The following EFCAB6 variants were observed in gnomAD, a reference collection of about 807,000 sequenced individuals.
EFCAB6 encodes EF-hand calcium-binding domain-containing protein 6.
EFCAB6 carries 156 observed loss-of-function variants against 169.8 expected under a neutral mutation model. The observed-to-expected ratio is 0.92, with a 90% CI of 0.81 to 1.05. The LOEUF is 1.05. Among genes scored for constraint, EFCAB6 ranks in the 50% least tolerant of loss-of-function variants. The pLI is 0.00. For synonymous variants in EFCAB6, 698 were observed against 676.4 expected (o/e 1.03, Z -0.50); for missense variants, 1,800 against 1,829.1 (o/e 0.98, Z 0.29).
intron 26 of EFCAB6, among the ~76,000 whole-genome samples, chr22:43,559,349 A>G (rs1274457808): frequency 2.6e-5 from 4 of 152,232 alleles, no homozygotes; most frequent in Admixed American, 2.6e-4. Context: ...GATTATTAAG[A>G]AGTCAGGAAA....
chr22:43,666,964 AAT>A, intron 17 of EFCAB6, 138 bp downstream of exon 17: 1 of 1,167,226 alleles, frequency 8.6e-7, no homozygotes, highest in Non-Finnish European at 1.2e-6. Context: ...CAAAAAAAAA[AAT>A]CCTTTTAAAT....
intron 8 of EFCAB6, among the ~76,000 whole-genome samples, chr22:43,724,367 CTTTT>C (rs58226287): frequency 9.3e-6 from 1 of 107,874 alleles, no homozygotes; most frequent in Non-Finnish European, 1.9e-5. Context: ...TTTCTTTTTT[CTTTT>C]TTTTTTTTTT....
chr22:43,742,163 C>T (rs2060397684), intron 6 of EFCAB6, among the ~76,000 whole-genome samples: 1 of 152,002 alleles, frequency 6.6e-6, no homozygotes. Flanking sequence ...CACCTGATTT[C>T]GTACACCTGC....
At chr22:43,772,796 A>G (rs2061516022) in intron 4 of EFCAB6, 96 bp downstream of exon 4, 1 of 1,358,604 alleles carries the variant, frequency 7.4e-7, no homozygotes, top group South Asian at 1.3e-5. Flanking sequence ...CTCAGTGGCA[A>G]CAGTGGGGAC....
chr22:43,801,914 A>G (rs1260470143), intron 2 of EFCAB6, among the ~76,000 whole-genome samples: 2 of 152,212 alleles, frequency 1.3e-5, no homozygotes, highest in East Asian at 1.9e-4. Context: ...ATTAAAAAGC[A>G]TAGAGTGGCT....
At chr22:43,533,645 G>A (rs566814777) in intron 30 of EFCAB6, 1 of 152,352 alleles carries the variant, frequency 6.6e-6, no homozygotes, top group African/African-American at 2.4e-5. Flanking sequence ...TTGCCTCCCA[G>A]GTGCGAGCCC....
intron 8 of EFCAB6, among the ~76,000 whole-genome samples, chr22:43,717,380 A>G (rs961797000): frequency 1.3e-5 from 2 of 151,728 alleles, no homozygotes; most frequent in Admixed American, 1.3e-4. Flanking sequence ...TGGTAAAAAA[A>G]AAAAAAGCCA....
At chr22:43,724,404 G>A (rs1380115152) in intron 8 of EFCAB6, among the ~76,000 whole-genome samples, 1 of 124,268 alleles carries the variant, frequency 8.0e-6, no homozygotes, top group Non-Finnish European at 1.6e-5. Flanking sequence ...GTCTCGCTCT[G>A]TCTCCCAGGC....
At chr22:43,756,409 C>A (rs2060960341) in intron 5 of EFCAB6, among the ~76,000 whole-genome samples, 2 of 152,310 alleles carry the variant, frequency 1.3e-5, no homozygotes, top group East Asian at 1.9e-4. Context: ...GTGGTCAATG[C>A]ATCTATACCG....
intron 17 of EFCAB6, among the ~76,000 whole-genome samples, chr22:43,657,177 C>G (rs1280968753): frequency 1.3e-5 from 2 of 152,014 alleles, no homozygotes; most frequent in African/African-American, 4.8e-5. Context: ...CACCTGTAGT[C>G]CCAGCTACTC....
At chr22:43,645,215 AC>A (rs1282204269) in intron 17 of EFCAB6, among the ~76,000 whole-genome samples, 4 of 151,790 alleles carry the variant, frequency 2.6e-5, no homozygotes, top group African/African-American at 9.7e-5. Context: ...ATTCACTTAC[AC>A]CTCCTGCCTT....
intron 5 of EFCAB6, among the ~76,000 whole-genome samples, chr22:43,758,116 C>A (rs1405126738): frequency 9.1e-6 from 1 of 110,318 alleles, no homozygotes; most frequent in East Asian, 2.0e-4. Flanking sequence ...TTTTCTATTA[C>A]ATAATTTTTC....
intron 27 of EFCAB6, chr22:43,553,540 T>C (rs1018645206): frequency 6.6e-6 from 1 of 152,362 alleles, no homozygotes; most frequent in Non-Finnish European, 1.5e-5. Context: ...TTCAGCAGCA[T>C]GTACTGAGCA....
Position 43,627,680 on chromosome 22 carries a change from C to A in EFCAB6, c.2233-1001G>T, listed in dbSNP as rs770063423. On this transcript the variant is annotated intron_variant, in intron 19 of 31. Transcript: ENST00000262726. ...GATGTGGCCCCAACCCGCCTCGTTCCATCGGCACCTGATGCAGCCCCTCAC... is the reference window on the plus strand; with the variant it reads ...GATGTGGCCCCAACCCGCCTCGTTCAATCGGCACCTGATGCAGCCCCTCAC... Among the ~76,000 whole-genome samples, 4 of 152,170 alleles carry A rather than the reference C, an allele frequency of 2.6e-5. No individual in the cohort carries two copies. The East Asian group carries it at 7.7e-4, about 29-fold the overall frequency.
At chr22:43,618,696 G>C (rs2053913141) in intron 20 of EFCAB6, among the ~76,000 whole-genome samples, 1 of 152,190 alleles carries the variant, frequency 6.6e-6, no homozygotes, top group Admixed American at 6.5e-5. Flanking sequence ...CAAAGAGCTA[G>C]GATAGGATGG....
At chr22:43,660,679 T>C (rs2056959653) in intron 17 of EFCAB6, among the ~76,000 whole-genome samples, 3 of 152,130 alleles carry the variant, frequency 2.0e-5, no homozygotes, top group African/African-American at 7.2e-5. Context: ...AAAGAACTTT[T>C]AAAAAAGAAA....
At chr22:43,644,084 A>T (rs1248183368) in intron 17 of EFCAB6, among the ~76,000 whole-genome samples, 1 of 151,996 alleles carries the variant, frequency 6.6e-6, no homozygotes, top group Non-Finnish European at 1.5e-5. Flanking sequence ...TCGGCCTCCC[A>T]AATTGCTGGG....
At chr22:43,623,448 G>A (rs2054246044) in intron 20 of EFCAB6, among the ~76,000 whole-genome samples, 1 of 152,098 alleles carries the variant, frequency 6.6e-6, no homozygotes, top group Admixed American at 6.5e-5. Flanking sequence ...GAAAATGTTT[G>A]GCAGTTATGA....
chr22:43,585,958 T>G (rs374444876), intron 24 of EFCAB6, among the ~76,000 whole-genome samples: 10 of 152,114 alleles, frequency 6.6e-5, no homozygotes, highest in African/African-American at 2.4e-4. Context: ...AAAGACTTTC[T>G]CAGACAAATA....
Sources: gnomAD v4.1 joint callset for allele counts (sites outside exome capture counted in the v4.1 genomes callset) on GRCh38, gnomAD v4.1.1 for gene constraint, MANE v1.5 for transcripts, NCBI Gene and HGNC (gene_info 2026-07-23, HGNC 2026-07-21) for gene names.